COL26A1: variants seen among roughly 807,000 people sequenced by gnomAD.
The protein encoded by COL26A1 is collagen type XXVI alpha 1 chain.
COL26A1 carries 41 observed loss-of-function variants against 59.3 expected under a neutral mutation model. The observed-to-expected ratio is 0.69, with a 90% CI of 0.54 to 0.90. COL26A1 has a LOEUF of 0.90. Among genes scored for constraint, COL26A1 ranks in the 40% least tolerant of loss-of-function variants. The pLI, the probability that COL26A1 is intolerant of heterozygous loss-of-function variation, is 0.00. For missense variants in COL26A1, 612 were observed against 602.3 expected (o/e 1.02, Z -0.17); for synonymous variants, 266 against 256.0 (o/e 1.04, Z -0.37).
chr7:101,476,579 G>A (rs1213333639), intron 3 of COL26A1, among the ~76,000 whole-genome samples: 6 of 147,442 alleles, frequency 4.1e-5, no homozygotes, highest in African/African-American at 7.6e-5. Flanking sequence ...ACGGAGTCTC[G>A]CTCTGTTGCC....
At chr7:101,543,387 C>G (rs967307522) in intron 5 of COL26A1, among the ~76,000 whole-genome samples, 2 of 152,106 alleles carry the variant, frequency 1.3e-5, no homozygotes, top group African/African-American at 4.8e-5. Flanking sequence ...CCAGGCTGGT[C>G]TCAAACTCCT....
intron 3 of COL26A1, among the ~76,000 whole-genome samples, chr7:101,452,607 C>T (rs1793369997): frequency 6.6e-6 from 1 of 152,072 alleles, no homozygotes. Context: ...TATTACACAC[C>T]TAGGCTAGAT....
chr7:101,555,910 T>C (rs1795965435), intron 12 of COL26A1, 39 bp downstream of exon 12: 2 of 1,515,904 alleles, frequency 1.3e-6, no homozygotes, highest in East Asian at 4.8e-5. Flanking sequence ...GGAATCTCTC[T>C]CCCCTCCTTC....
chr7:101,535,667 A>G (rs1204281494), intron 4 of COL26A1, among the ~76,000 whole-genome samples: 1 of 152,150 alleles, frequency 6.6e-6, no homozygotes. Context: ...AGGGAGGGAC[A>G]GCAGTGCGTG....
At chr7:101,498,503 G>A (rs987952129) in intron 3 of COL26A1, among the ~76,000 whole-genome samples, 2 of 152,088 alleles carry the variant, frequency 1.3e-5, no homozygotes, top group African/African-American at 2.4e-5. Context: ...TGGGAGCCCC[G>A]GTTTCTCACA....
In COL26A1 at chr7:101,477,338, TTGTG is replaced by T. The variant is rs534570074; in HGVS notation, c.385+29558_385+29561del. On this transcript the variant is annotated intron_variant, in intron 3 of 12. Transcript: ENST00000313669. ...GATACATGGTCATGTTTGTGCGTGT[TTGTG>T]TGTGTGCATTAGCATGCGGAGTGTG... 2.2e-3 allele frequency among the ~76,000 whole-genome samples: 341 copies of T among 152,188 alleles called. No individual in the cohort carries two copies. The Middle Eastern group carries it at 0.031, about 14-fold the overall frequency.
intron 1 of COL26A1, among the ~76,000 whole-genome samples, chr7:101,405,732 C>T (rs1411675455): frequency 6.6e-6 from 1 of 152,138 alleles, no homozygotes; most frequent in Admixed American, 6.6e-5. Flanking sequence ...CTATTAATGG[C>T]GGTAGTTGGG....
chr7:101,480,086 C>G (rs2410848), intron 3 of COL26A1, among the ~76,000 whole-genome samples: 1 of 151,902 alleles, frequency 6.6e-6, no homozygotes, highest in East Asian at 1.9e-4. Flanking sequence ...GCCTTCTAAG[C>G]AGCTGGGATT....
At chr7:101,435,294 G>A (rs1248662659) in intron 2 of COL26A1, among the ~76,000 whole-genome samples, 1 of 152,148 alleles carries the variant, frequency 6.6e-6, no homozygotes, top group Non-Finnish European at 1.5e-5. Context: ...ACTCCAGCCT[G>A]GGCCACAGCG....
At chr7:101,521,049 G>T (rs1188315039) in intron 3 of COL26A1, among the ~76,000 whole-genome samples, 3 of 152,190 alleles carry the variant, frequency 2.0e-5, no homozygotes, top group South Asian at 2.1e-4. Flanking sequence ...CTACATGGCT[G>T]GGGAGGCCTC....
intron 3 of COL26A1, among the ~76,000 whole-genome samples, chr7:101,471,504 A>C (rs1772328597): frequency 1.3e-5 from 2 of 152,158 alleles, no homozygotes; most frequent in Non-Finnish European, 2.9e-5. Flanking sequence ...ACTCACGTCA[A>C]ATACAATGCT....
At chr7:101,512,388 G>A (rs9655771) in intron 3 of COL26A1, among the ~76,000 whole-genome samples, 28,006 of 152,180 alleles carry the variant, frequency 0.18, 3,378 homozygotes, top group African/African-American at 0.34. Context: ...GGAGGCCAAG[G>A]TGGGAGGATC....
At chr7:101,507,030 T>C (rs897790916) in intron 3 of COL26A1, among the ~76,000 whole-genome samples, 1 of 152,022 alleles carries the variant, frequency 6.6e-6, no homozygotes, top group Non-Finnish European at 1.5e-5. Context: ...TTCTCTGGCC[T>C]CAGCCTCCCG....
chr7:101,510,027 C>CTTTTTTTTTTTTTTTTTTTTT (rs3073374), intron 3 of COL26A1, among the ~76,000 whole-genome samples: 4 of 122,300 alleles, frequency 3.3e-5, no homozygotes, highest in African/African-American at 1.2e-4. Flanking sequence ...CGCGCCCAGT[C>CTTTTTTTTTTTTTTTTTTTTT]TTTTTTTTTT....
intron 3 of COL26A1, among the ~76,000 whole-genome samples, chr7:101,456,378 A>T (rs6973839): frequency 0.16 from 24,036 of 148,936 alleles, 2,104 homozygotes; most frequent in African/African-American, 0.21. Context: ...TGAGCTAATT[A>T]AAAAAAAAAA....
intron 3 of COL26A1, among the ~76,000 whole-genome samples, chr7:101,526,337 C>G (rs1795248332): frequency 6.6e-6 from 1 of 152,202 alleles, no homozygotes; most frequent in Non-Finnish European, 1.5e-5. Flanking sequence ...GCATAAGCCA[C>G]TGCTCCCAGC....
intron 3 of COL26A1, among the ~76,000 whole-genome samples, chr7:101,512,094 A>T (rs143453223): frequency 6.6e-6 from 1 of 152,324 alleles, no homozygotes; most frequent in East Asian, 1.9e-4. Flanking sequence ...AAGGAAGCAG[A>T]GGGTTTCGCT....
chr7:101,387,751 TA>T (rs1791617629), intron 1 of COL26A1, among the ~76,000 whole-genome samples: 1 of 99,562 alleles, frequency 1.0e-5, no homozygotes, highest in African/African-American at 4.4e-5. Flanking sequence ...TATATATATA[TA>T]TTTATATATA....
intron 2 of COL26A1, among the ~76,000 whole-genome samples, chr7:101,431,236 TA>T (rs1325505034): frequency 6.6e-6 from 1 of 152,210 alleles, no homozygotes; most frequent in Non-Finnish European, 1.5e-5. Context: ...ATATTAAATG[TA>T]AGGTTTTCTT....
Sources: gnomAD v4.1 joint callset for allele counts (sites outside exome capture counted in the v4.1 genomes callset) on GRCh38, gnomAD v4.1.1 for gene constraint, MANE v1.5 for transcripts, NCBI Gene and HGNC (gene_info 2026-07-23, HGNC 2026-07-21) for gene names.